USH2A: variants seen among roughly 807,000 people sequenced by gnomAD.
USH2A encodes usherin.
A neutral mutation model predicts 538.9 loss-of-function variants in USH2A; 443 were observed. The observed-to-expected ratio is 0.82, with a 90% CI of 0.76 to 0.89. The LOEUF is 0.89. Ranked by LOEUF, USH2A falls within the 40% of genes least tolerant of loss-of-function variation. USH2A has a pLI of 0.00. For synonymous variants in USH2A, 2,413 were observed against 2,273.5 expected, an observed-to-expected ratio of 1.06 and a Z score of -1.75; for missense variants, 6,633 against 6,324.8, an observed-to-expected ratio of 1.05 and a Z score of -1.65.
At chr1:215,774,897 T>C (rs1571673989) in intron 55 of USH2A, among the ~76,000 whole-genome samples, 1 of 148,284 alleles carries the variant, frequency 6.7e-6, no homozygotes, top group East Asian at 2.2e-4. Flanking sequence ...GATGCCACAC[T>C]TTTTTTTTTC....
intron 35 of USH2A, among the ~76,000 whole-genome samples, chr1:215,977,639 A>G (rs1163607334): frequency 6.6e-6 from 1 of 152,004 alleles, no homozygotes; most frequent in African/African-American, 2.4e-5. Context: ...CAGCCTCCCA[A>G]GTAGCTGGGA....
chr1:216,084,904 A>G (rs2032078562), intron 24 of USH2A, 27 bp from the exon 25 acceptor site: 56 of 1,604,462 alleles, frequency 3.5e-5, no homozygotes, highest in Non-Finnish European at 4.8e-5. Context: ...ATATCAAGAA[A>G]TATATATTTT....
At chr1:216,156,799 A>C (rs2033953397) in intron 21 of USH2A, among the ~76,000 whole-genome samples, 2 of 152,208 alleles carry the variant, frequency 1.3e-5, no homozygotes, top group Admixed American at 1.3e-4. Flanking sequence ...CAGAACCTAT[A>C]AGGAACTTAA....
At chr1:215,838,226 G>T in intron 46 of USH2A, 123 bp from the exon 47 acceptor site, 4 of 795,932 alleles carry the variant, frequency 5.0e-6, no homozygotes, top group Middle Eastern at 3.4e-4. Flanking sequence ...GCCTCTTGAG[G>T]TTTAATCAAT....
intron 21 of USH2A, among the ~76,000 whole-genome samples, chr1:216,153,741 T>C (rs779833177): frequency 5.9e-5 from 9 of 152,238 alleles, no homozygotes; most frequent in Non-Finnish European, 1.0e-4. Flanking sequence ...CAAAATAGGA[T>C]ACTTGCTGAA....
chr1:216,200,588 A>G (rs2034965844), intron 16 of USH2A, among the ~76,000 whole-genome samples: 1 of 152,212 alleles, frequency 6.6e-6, no homozygotes, highest in Non-Finnish European at 1.5e-5. Flanking sequence ...CAGAAATTAT[A>G]AATGTTTATT....
At chr1:215,901,315 A>T (rs556279039) in intron 38 of USH2A, 4 of 298,722 alleles carry the variant, frequency 1.3e-5, no homozygotes, top group South Asian at 1.3e-4. Context: ...GATATCATCC[A>T]TTGCTGCCTT....
At chr1:215,687,020 TACTGGGG>T (rs1383190232) in intron 61 of USH2A, among the ~76,000 whole-genome samples, 1 of 152,074 alleles carries the variant, frequency 6.6e-6, no homozygotes, top group Non-Finnish European at 1.5e-5. Flanking sequence ...TTTCTCCTGA[TACTGGGG>T]ACATGTTTGA....
chr1:216,009,260 C>T (rs550752102), intron 32 of USH2A, among the ~76,000 whole-genome samples: 25 of 152,084 alleles, frequency 1.6e-4, no homozygotes, highest in Non-Finnish European at 3.1e-4. Context: ...TCACTATGGG[C>T]AACCTTCCAC....
intron 58 of USH2A, among the ~76,000 whole-genome samples, chr1:215,746,315 G>T (rs1660469773): frequency 6.6e-6 from 1 of 152,096 alleles, no homozygotes; most frequent in African/African-American, 2.4e-5. Context: ...GCCTGGTTAG[G>T]CCCTGGCCAC....
chr1:215,988,635 G>T (rs895722897), intron 35 of USH2A, among the ~76,000 whole-genome samples: 2 of 151,988 alleles, frequency 1.3e-5, no homozygotes, highest in Non-Finnish European at 2.9e-5. Flanking sequence ...AGTATTTAAG[G>T]GTTCCAGTTT....
intron 11 of USH2A, among the ~76,000 whole-genome samples, chr1:216,277,922 G>A (rs2036701741): frequency 6.6e-6 from 1 of 152,108 alleles, no homozygotes; most frequent in African/African-American, 2.4e-5. Context: ...GGTAGGAACA[G>A]CTGTCTTGGA....
At chr1:215,807,265 T>C (rs1478540685) in intron 49 of USH2A, among the ~76,000 whole-genome samples, 2 of 152,144 alleles carry the variant, frequency 1.3e-5, no homozygotes, top group Non-Finnish European at 2.9e-5. Flanking sequence ...TTTAGTTCAA[T>C]GAGACCCATT....
intron 37 of USH2A, among the ~76,000 whole-genome samples, chr1:215,956,438 A>C (rs1471403109): frequency 6.6e-6 from 1 of 152,184 alleles, no homozygotes; most frequent in Non-Finnish European, 1.5e-5. Context: ...AATTATGCAA[A>C]GCCTTCCAAA....
At chr1:215,910,573 T>G (rs947551447) in intron 38 of USH2A, among the ~76,000 whole-genome samples, 1 of 151,962 alleles carries the variant, frequency 6.6e-6, no homozygotes, top group African/African-American at 2.4e-5. Flanking sequence ...TCATAAGTAC[T>G]ATATAAGTGT....
At chr1:216,350,565 CA>C (rs1462812542) in intron 4 of USH2A, among the ~76,000 whole-genome samples, 2 of 152,048 alleles carry the variant, frequency 1.3e-5, no homozygotes, top group Non-Finnish European at 2.9e-5. Context: ...GTCTGAAACC[CA>C]AAAGGGCAGT....
chr1:216,402,373 A>G (rs1177699857), intron 3 of USH2A, among the ~76,000 whole-genome samples: 1 of 152,174 alleles, frequency 6.6e-6, no homozygotes, highest in Non-Finnish European at 1.5e-5. Context: ...TTTCAAAAAC[A>G]TAGAACTGAA....
At chr1:215,986,575 A>G (rs577757809) in intron 35 of USH2A, among the ~76,000 whole-genome samples, 11 of 152,168 alleles carry the variant, frequency 7.2e-5, no homozygotes, top group South Asian at 6.2e-4. Flanking sequence ...TTCATTAGGA[A>G]ATCTACAGAT....
At position 216,198,539 on chromosome 1, in the gene USH2A, G is replaced by A; in HGVS notation, c.3857C>T (p.Thr1286Ile). 2 of 1,613,682 alleles carry A rather than the reference G, an allele frequency of 1.2e-6. No individual in the cohort carries two copies. The highest frequency in any genetic ancestry group is 1.7e-6 in the Non-Finnish European group (2 of 1,179,910). Residue 1286 changes from threonine to isoleucine, a missense_variant, in exon 18 of 72, where the codon ACT (threonine) becomes ATT (isoleucine). By Grantham distance (89) the Thr-to-Ile change is moderately conservative. Coordinates refer to ENST00000307340, the MANE Select transcript of USH2A (RefSeq NM_206933.4). ...ACTTTCCTCAGATGTGGTTTCTTTAGTAGATCTCAGTCTTCTCATGTATAG... is the reference window on the plus strand; with the variant it reads ...ACTTTCCTCAGATGTGGTTTCTTTAATAGATCTCAGTCTTCTCATGTATAG... The part of the protein sequence containing the change: ...YELYMRRLRS[T>I]KETTSEESRV...
Sources: allele counts gnomAD v4.1 joint callset (sites outside exome capture counted in the v4.1 genomes callset), GRCh38; gene constraint gnomAD v4.1.1; transcripts MANE v1.5; gene names NCBI Gene and HGNC (gene_info 2026-07-23, HGNC 2026-07-21).